The following NLRP9 variants were observed in gnomAD, a reference collection of about 807,000 sequenced individuals.
NLRP9 encodes the protein NACHT, LRR and PYD domains-containing protein 9.
A neutral mutation model predicts 83.1 loss-of-function variants in NLRP9; 88 were observed. The ratio of observed to expected loss-of-function variants is 1.06; its 90% confidence interval spans 0.89 to 1.26. The LOEUF (loss-of-function observed/expected upper bound fraction) is 1.26, where lower values mean the gene tolerates loss of function less well. Ranked by LOEUF, NLRP9 falls within the 50% of genes most tolerant of loss-of-function variation. The probability of loss-of-function intolerance (pLI) is 0.00; values close to 1 mark genes in which losing one functional copy is unlikely to be tolerated. For synonymous variants in NLRP9, 521 were observed against 447.6 expected, an observed-to-expected ratio of 1.16 and a Z score of -2.07; for missense variants, 1,308 against 1,179.3, an observed-to-expected ratio of 1.11 and a Z score of -1.60.
Position 55,733,442 on chromosome 19 carries a change from T to C in NLRP9, c.389A>G (p.Asn130Ser). Residue 130 changes from asparagine to serine, a missense_variant, in exon 2 of 9, where the codon AAT becomes AGT. Asn to Ser is a conservative substitution (Grantham distance 46). Coordinates refer to ENST00000332836, the MANE Select transcript of NLRP9 (RefSeq NM_176820.4). ...TGCGTCATTCAATTCTTTATACTCA[T>C]TTTTCATGGTTTCTTTGTAGAAATG... ...PEHFYKETMK[N>S]EYKELNDAYT... The C allele has an allele frequency of 1.2e-6, 2 of 1,613,824 alleles. No homozygotes were observed. Among genetic ancestry groups the C allele is most frequent in the Non-Finnish European group, 1.7e-6 (2 of 1,179,740 alleles).
intron 1 of NLRP9, chr19:55,737,151 T>C (rs1404953953): frequency 3.9e-5 from 6 of 152,124 alleles, no homozygotes; most frequent in Non-Finnish European, 7.3e-5. Flanking sequence ...CAGAACTGGT[T>C]CGGAGTCAGA....
At chr19:55,728,929 A>T (rs573735423) in intron 3 of NLRP9, among the ~76,000 whole-genome samples, 2 of 152,108 alleles carry the variant, frequency 1.3e-5, no homozygotes, top group Admixed American at 1.3e-4. Flanking sequence ...CCTCTCATAC[A>T]TTATTTGTAT....
rs1988638369 is a variant in NLRP9 at position 55,732,996 on chromosome 19, C to T, written c.835G>A (p.Ala279Thr). Residue 279 changes from alanine (A) to threonine (T), a missense_variant, in exon 2 of 9, where the codon GCT (alanine) becomes ACT (threonine). Coordinates refer to ENST00000332836, the MANE Select transcript of NLRP9 (RefSeq NM_176820.4). The part of the protein sequence containing the change: ...SSLLIALGKL[A>T]MQKHYFMLRH... ...AACATAAAATAGTGTTTTTGCATAG[C>T]CAGTTTTCCTAATGCAATAAGGAGA... 1 of 1,614,030 alleles carries T rather than the reference C, an allele frequency of 6.2e-7. No homozygotes were observed. Among genetic ancestry groups the T allele is most frequent in the African/African-American group, 1.3e-5 (1 of 74,916 alleles).
chr19:55,715,730 C>T (rs1987983155), intron 5 of NLRP9, among the ~76,000 whole-genome samples: 1 of 151,594 alleles, frequency 6.6e-6, no homozygotes, highest in African/African-American at 2.4e-5. Context: ...TACAGATGTA[C>T]AGAAAGATGA....
rs763018995 is a variant in NLRP9, at chr19:55,709,073, T to G, written c.2844-29A>C. On this transcript the variant is annotated intron_variant, in intron 8 of 8. Transcript: ENST00000332836. The stretch of plus-strand genomic sequence containing the variant: ...GGAAAATAGAAATAAAGTTTTTTTT[T>G]TTGTTTTTCATTTTTACACAGTATT... 3.9e-6 allele frequency: 6 copies of G among 1,547,540 alleles called. No homozygotes were observed. In the East Asian group the frequency reaches 9.5e-5, roughly 24 times the overall value.
chr19:55,720,809 G>A (rs1420268000), intron 4 of NLRP9, among the ~76,000 whole-genome samples: 2 of 152,162 alleles, frequency 1.3e-5, no homozygotes, highest in African/African-American at 4.8e-5. Context: ...AAAAACACCT[G>A]TCAATCAATT....
chr19:55,725,550 G>A (rs1311417187), intron 3 of NLRP9, among the ~76,000 whole-genome samples: 2 of 152,194 alleles, frequency 1.3e-5, no homozygotes, highest in Non-Finnish European at 2.9e-5. Flanking sequence ...CAGCAGGCTG[G>A]AGGAACTGTG....
In NLRP9 at chr19:55,711,838, C is replaced by G; in HGVS notation, c.2805G>C (p.Glu935Asp). The G allele has an allele frequency of 1.2e-6, 2 of 1,613,364 alleles. No individual in the cohort carries two copies. The highest frequency in any genetic ancestry group is 1.1e-5 in the South Asian group (1 of 91,072). ...LDADAVVVLC[E>D]ALSHPDCALQ... ...GGGCACAGTCCGGGTGGCTCAATGC[C>G]TCACACAGCACCACCACTGCATCAG... The change falls in exon 8 of 9, where the codon GAG becomes GAC. Residue 935 changes from glutamate to aspartate, a missense_variant. By Grantham distance (45) the Glu-to-Asp change is conservative (BLOSUM62 2). Coordinates refer to ENST00000332836, the MANE Select transcript of NLRP9 (RefSeq NM_176820.4).
In NLRP9 at chr19:55,712,509, C is replaced by T; in HGVS notation, c.2583G>A (p.Leu861=). ...VLICNGKLKT[L]KLGHNEIGDT... ...CTCCTATTTCATTATGCCCAAGTTTCAGGGTCTTCAGTTTCCCATTGCAAA... is the reference window on the plus strand; with the variant it reads ...CTCCTATTTCATTATGCCCAAGTTTTAGGGTCTTCAGTTTCCCATTGCAAA... Residue 861 remains leucine, a synonymous_variant, in exon 7 of 9, where the codon CTG becomes CTA. Coordinates refer to ENST00000332836, the MANE Select transcript of NLRP9 (RefSeq NM_176820.4). 1.9e-6 allele frequency: 3 copies of T among 1,612,790 alleles called. No individual in the cohort carries two copies. The highest frequency in any genetic ancestry group is 1.7e-4 in the Middle Eastern group (1 of 6,060).
At chr19:55,719,133 G>C (rs1161697229) in intron 4 of NLRP9, among the ~76,000 whole-genome samples, 1 of 152,192 alleles carries the variant, frequency 6.6e-6, no homozygotes, top group Non-Finnish European at 1.5e-5. Context: ...GGCTATACAT[G>C]GGGGTTCCCC....
rs535375163 is a variant in NLRP9 at position 55,712,806 on chromosome 19, A to G, written c.2502-216T>C. The stretch of plus-strand genomic sequence containing the variant: ...GAGGGAGGAGGGAAGAAGGGGAGAA[A>G]GAGGAGGGAGAGGAGTGGGAGGGGA... On this transcript the variant is annotated intron_variant, in intron 6 of 8. Transcript: ENST00000332836. 9.3e-5 allele frequency among the ~76,000 whole-genome samples: 4 copies of G among 43,132 alleles called. No individual in the cohort carries two copies. In the South Asian group the frequency reaches 4.1e-3, roughly 44 times the overall value. 28.3% of individuals were successfully genotyped at this position (43,132 alleles called of 152,430 possible).
At chr19:55,718,849 G>C (rs1988125858) in intron 4 of NLRP9, among the ~76,000 whole-genome samples, 1 of 152,162 alleles carries the variant, frequency 6.6e-6, no homozygotes, top group Admixed American at 6.5e-5. Context: ...CACCTGACTA[G>C]AAATACCCAC....
chr19:55,710,055 G>A (rs1471587296), intron 8 of NLRP9, among the ~76,000 whole-genome samples: 1 of 152,120 alleles, frequency 6.6e-6, no homozygotes, highest in Non-Finnish European at 1.5e-5. Context: ...GGAGAAGTAG[G>A]AGTTTATCTT....
At chr19:55,711,262 T>C in intron 8 of NLRP9, 1 of 597,688 alleles carries the variant, frequency 1.7e-6, no homozygotes, top group Non-Finnish European at 2.1e-6. Context: ...AAAAAATAAC[T>C]TTTAAAAATT....
rs775630087 is a variant in NLRP9 at position 55,732,414 on chromosome 19, T to C, written c.1417A>G (p.Ile473Val). ...KDDPNPAIGS[I>V]TQLVRASVVQ... ...ACACTTGCTCTTACAAGCTGGGTTA[T>C]GCTTCCAATGGCCGGGTTAGGATCG... Residue 473 changes from isoleucine to valine, a missense_variant, in exon 2 of 9, where the codon ATA becomes GTA. By Grantham distance (29) the Ile-to-Val change is conservative. Coordinates refer to ENST00000332836, the MANE Select transcript of NLRP9 (RefSeq NM_176820.4). 4.3e-6 allele frequency: 7 copies of C among 1,614,134 alleles called. No homozygotes were observed. The highest frequency in any genetic ancestry group is 5.1e-6 in the Non-Finnish European group (6 of 1,180,056).
intron 1 of NLRP9, among the ~76,000 whole-genome samples, chr19:55,734,399 T>C (rs1246250754): frequency 7.0e-6 from 1 of 141,926 alleles, no homozygotes; most frequent in African/African-American, 2.6e-5. Context: ...AAAAAATTAC[T>C]ATATCAATTG....
At chr19:55,730,362 G>A (rs1988537119) in intron 2 of NLRP9, among the ~76,000 whole-genome samples, 1 of 151,768 alleles carries the variant, frequency 6.6e-6, no homozygotes, top group Non-Finnish European at 1.5e-5. Context: ...GCTGAGGTGA[G>A]AGAATCACTT....
At chr19:55,725,734 C>T (rs1251208899) in intron 3 of NLRP9, among the ~76,000 whole-genome samples, 1 of 152,068 alleles carries the variant, frequency 6.6e-6, no homozygotes, top group South Asian at 2.1e-4. Context: ...CACATGAAAA[C>T]AGGGAACCCA....
rs1600124792 is a variant in NLRP9 at position 55,712,733 on chromosome 19, G to A, written c.2502-143C>T. Reference sequence around the variant, plus strand: ...GAGGGTGGGGAGGGGAAGGAGGAGAGAAGAATGAGGGAGGAGAGAAGAGCA... The same window carrying A: ...GAGGGTGGGGAGGGGAAGGAGGAGAAAAGAATGAGGGAGGAGAGAAGAGCA... On this transcript the variant is annotated intron_variant, in intron 6 of 8. Transcript: ENST00000332836. 1.7e-5 allele frequency: 8 copies of A among 475,250 alleles called. No homozygotes were observed. In the East Asian group the frequency reaches 3.6e-4, roughly 22 times the overall value. The allele number at this position is 475,250 out of a possible 1,614,324, so 29.4% of individuals were successfully genotyped here.
Sources: allele counts gnomAD v4.1 joint callset (sites outside exome capture counted in the v4.1 genomes callset), GRCh38; gene constraint gnomAD v4.1.1; transcripts MANE v1.5; gene names NCBI Gene and HGNC (gene_info 2026-07-23, HGNC 2026-07-21).